SORCS1: variants seen among roughly 807,000 people sequenced by gnomAD.
SORCS1 encodes sortilin related VPS10 domain containing receptor 1, also known as VPS10 domain-containing receptor SorCS1.
SORCS1 carries 60 observed loss-of-function variants against 146.1 expected under a neutral mutation model. The ratio of observed to expected loss-of-function variants is 0.41; its 90% confidence interval spans 0.33 to 0.51. The LOEUF is 0.51. Among genes scored for constraint, SORCS1 ranks in the 20% least tolerant of loss-of-function variants. SORCS1 has a pLI of 0.21. For missense variants in SORCS1, 1,352 were observed against 1,487.6 expected (o/e 0.91, Z 1.50); for synonymous variants, 637 against 584.0 (o/e 1.09, Z -1.31).
At chr10:106,618,331 CACTA>C (rs1022177031) in intron 20 of SORCS1, 59 bp from the exon 21 acceptor site, 11 of 1,591,394 alleles carry the variant, frequency 6.9e-6, no homozygotes, top group African/African-American at 6.7e-5. Context: ...GTGACACAGC[CACTA>C]ACTGTGAGCC....
At chr10:106,777,475 C>T (rs922271701) in intron 3 of SORCS1, among the ~76,000 whole-genome samples, 2 of 152,102 alleles carry the variant, frequency 1.3e-5, no homozygotes, top group African/African-American at 4.8e-5. Flanking sequence ...TAGAAAGATG[C>T]CCAGAACACT....
chr10:106,780,613 G>A (rs1028841934), intron 3 of SORCS1, among the ~76,000 whole-genome samples: 1 of 152,182 alleles, frequency 6.6e-6, no homozygotes, highest in Admixed American at 6.5e-5. Context: ...CAGGCCAGGG[G>A]CCCCTGCAAC....
chr10:106,597,147 C>T (rs748334339), intron 24 of SORCS1, among the ~76,000 whole-genome samples: 2 of 152,224 alleles, frequency 1.3e-5, no homozygotes, highest in African/African-American at 2.4e-5. Context: ...CCACTGAACC[C>T]AGCTGAAAGT....
chr10:106,813,503 G>C (rs1275706830), intron 3 of SORCS1, among the ~76,000 whole-genome samples: 1 of 152,196 alleles, frequency 6.6e-6, no homozygotes, highest in African/African-American at 2.4e-5. Flanking sequence ...AATGTACGTT[G>C]TGAGTAAAGA....
At position 106,910,880 on chromosome 10, in the gene SORCS1, G is replaced by A. The variant is rs771490331; in HGVS notation, c.626+45633C>T. Among the ~76,000 whole-genome samples, 12 of 152,216 alleles carry A rather than the reference G, an allele frequency of 7.9e-5. No homozygotes were observed. The East Asian group carries it at 9.6e-4, about 12-fold the overall frequency. On this transcript the variant is annotated intron_variant, in intron 2 of 25. Transcript: ENST00000263054. ...TATGACATCATAGGTCTAATGAGCC[G>A]TTAATCATTGCTTAATGTGCATAAG...
In SORCS1 at chr10:106,743,127, GA is replaced by G. The variant is rs547627511; in HGVS notation, c.960-13014del. 3.5e-3 allele frequency among the ~76,000 whole-genome samples: 539 copies of G among 152,154 alleles called. 2 individuals carry two copies. The highest frequency in any genetic ancestry group is 6.2e-3 in the Non-Finnish European group (423 of 68,000). ...GATGTGAATTCCTAAAGTTGGTTTT[GA>G]AAATATCTCAATGTGACAAAGAAAA... On this transcript the variant is annotated intron_variant, in intron 5 of 25. Coordinates refer to ENST00000263054, the MANE Select transcript of SORCS1 (RefSeq NM_052918.5).
chr10:106,765,971 C>T (rs112501633), intron 4 of SORCS1, among the ~76,000 whole-genome samples: 5 of 152,106 alleles, frequency 3.3e-5, no homozygotes, highest in Non-Finnish European at 5.9e-5. Context: ...ATTTGTGCTA[C>T]GAGAATTCCA....
At chr10:106,917,353 G>T (rs1378990019) in intron 2 of SORCS1, among the ~76,000 whole-genome samples, 1 of 152,104 alleles carries the variant, frequency 6.6e-6, no homozygotes, top group Admixed American at 6.6e-5. Flanking sequence ...GTACATAGTT[G>T]GTGCTCAGTA....
chr10:106,966,062 T>A (rs977773615), intron 1 of SORCS1, among the ~76,000 whole-genome samples: 1 of 152,248 alleles, frequency 6.6e-6, no homozygotes, highest in Non-Finnish European at 1.5e-5. Context: ...ACTTGGCTGC[T>A]GCCGGATCAG....
At chr10:106,732,039 T>C (rs1054487256) in intron 5 of SORCS1, among the ~76,000 whole-genome samples, 4 of 152,230 alleles carry the variant, frequency 2.6e-5, no homozygotes, top group Non-Finnish European at 5.9e-5. Flanking sequence ...AACTCATTTT[T>C]CCAACTCAAA....
intron 3 of SORCS1, among the ~76,000 whole-genome samples, chr10:106,818,039 A>G (rs1348565370): frequency 6.6e-6 from 1 of 152,224 alleles, no homozygotes; most frequent in East Asian, 1.9e-4. Context: ...ACTCCGTAAG[A>G]GCAAAGCGAG....
At chr10:106,973,918 C>A (rs1955892535) in intron 1 of SORCS1, among the ~76,000 whole-genome samples, 1 of 152,218 alleles carries the variant, frequency 6.6e-6, no homozygotes. Flanking sequence ...TATTGAATGG[C>A]AGTGCCTGGC....
At chr10:106,607,489 G>A (rs1165527706) in intron 22 of SORCS1, among the ~76,000 whole-genome samples, 192 bp from the exon 23 acceptor site, 1 of 152,172 alleles carries the variant, frequency 6.6e-6, no homozygotes, top group Non-Finnish European at 1.5e-5. Flanking sequence ...CCGGAGTCAG[G>A]CTGTCTGTGA....
At chr10:106,607,396 C>A in intron 22 of SORCS1, 99 bp from the exon 23 acceptor site, 2 of 1,473,360 alleles carry the variant, frequency 1.4e-6, no homozygotes, top group Non-Finnish European at 1.8e-6. Flanking sequence ...GCAGAAGACA[C>A]CACAAGGGGC....
At chr10:106,662,443 G>A (rs1172160543) in intron 17 of SORCS1, among the ~76,000 whole-genome samples, 1 of 152,132 alleles carries the variant, frequency 6.6e-6, no homozygotes, top group Non-Finnish European at 1.5e-5. Flanking sequence ...TCTGTATCAT[G>A]AGCTATGCTG....
At position 106,642,337 on chromosome 10, in the gene SORCS1, C is replaced by A. The variant is rs369309192; in HGVS notation, c.2475+10045G>T. On this transcript the variant is annotated intron_variant, in intron 18 of 25. Coordinates refer to ENST00000263054, the MANE Select transcript of SORCS1 (RefSeq NM_052918.5). ...CTCTGCATTAATCACACTGTGATGT[C>A]ATATAAGAACCTAGCAGGGACCTCT... Among the ~76,000 whole-genome samples, 7 of 152,274 alleles carry A rather than the reference C, an allele frequency of 4.6e-5. No homozygotes were observed. The East Asian group carries it at 1.4e-3, about 29-fold the overall frequency.
At chr10:107,047,025 A>G (rs1329461026) in intron 1 of SORCS1, among the ~76,000 whole-genome samples, 2 of 151,972 alleles carry the variant, frequency 1.3e-5, no homozygotes, top group Non-Finnish European at 2.9e-5. Flanking sequence ...ATCTCGCTCT[A>G]TTGTCCATGC....
chr10:106,592,728 T>G (rs1450443064), intron 24 of SORCS1, among the ~76,000 whole-genome samples: 1 of 151,780 alleles, frequency 6.6e-6, no homozygotes, highest in African/African-American at 2.4e-5. Context: ...GAAAGAGAAA[T>G]AGAGTTGATG....
chr10:106,790,081 G>T (rs1946239779), intron 3 of SORCS1, among the ~76,000 whole-genome samples: 1 of 152,178 alleles, frequency 6.6e-6, no homozygotes, highest in Non-Finnish European at 1.5e-5. Context: ...AACACCTAAG[G>T]ATAACAATTC....
Sources: gnomAD v4.1 joint callset for allele counts (sites outside exome capture counted in the v4.1 genomes callset) on GRCh38, gnomAD v4.1.1 for gene constraint, MANE v1.5 for transcripts, NCBI Gene and HGNC (gene_info 2026-07-23, HGNC 2026-07-21) for gene names.